TMEM98: variants seen among roughly 807,000 people sequenced by gnomAD.
The protein encoded by TMEM98 is transmembrane protein 98.
TMEM98 carries 18 observed loss-of-function variants against 25.0 expected under a neutral mutation model. The ratio of observed to expected loss-of-function variants is 0.72; its 90% CI spans 0.50 to 1.07. The LOEUF is 1.07. TMEM98 is among the 50% of genes least tolerant of loss of function. The pLI, the probability that TMEM98 is intolerant of heterozygous loss-of-function variation, is 0.00. For missense variants in TMEM98, 241 were observed against 289.0 expected, an observed-to-expected ratio of 0.83 and a Z score of 1.20; for synonymous variants, 103 against 112.4, an observed-to-expected ratio of 0.92 and a Z score of 0.53.
Position 32,941,131 on chromosome 17 carries a change from G to C in TMEM98, c.*138G>C. On this transcript the variant is annotated 3_prime_UTR_variant, in exon 8 of 8. Transcript: ENST00000579849. The stretch of plus-strand genomic sequence containing the variant: ...CAGCTGTGTGTGCATAGTAAAGCAG[G>C]AGATCCCCGTCAGTTTATGCCTCTT... 1.3e-6 allele frequency: 1 copy of C among 751,580 alleles called. No individual in the cohort carries two copies. Among genetic ancestry groups the C allele is most frequent in the South Asian group, 1.9e-5 (1 of 52,282 alleles). 46.6% of individuals were successfully genotyped at this position (751,580 alleles called of 1,614,324 possible).
At chr17:32,939,688 T>A in intron 7 of TMEM98, 152 bp downstream of exon 7, 1 of 853,154 alleles carries the variant, frequency 1.2e-6, no homozygotes, top group African/African-American at 1.7e-5. Flanking sequence ...TTTACTTCAG[T>A]GAGCGGCGCC....
chr17:32,936,618 C>T (rs1034498124), intron 6 of TMEM98, 171 bp downstream of exon 6: 19 of 627,296 alleles, frequency 3.0e-5, no homozygotes, highest in African/African-American at 2.9e-4. Context: ...ACCGAGACTT[C>T]TCAGCTAAGG....
intron 1 of TMEM98, among the ~76,000 whole-genome samples, chr17:32,929,265 CACTA>C (rs779050273): frequency 1.3e-5 from 2 of 151,534 alleles, no homozygotes; most frequent in Non-Finnish European, 1.5e-5. Flanking sequence ...AGCTCACGCA[CACTA>C]ACACAAACAC....
rs145575180 is a variant in TMEM98 at position 32,929,267 on chromosome 17, C to G, written c.-131+1030C>G. On this transcript the variant is annotated intron_variant, in intron 1 of 7. Transcript: ENST00000579849. Reference sequence around the variant, plus strand: ...GAAACAGAAAAACAGCTCACGCACACTAACACAAACACACACGGAGAAACA... The same window carrying G: ...GAAACAGAAAAACAGCTCACGCACAGTAACACAAACACACACGGAGAAACA... 3.3e-3 allele frequency among the ~76,000 whole-genome samples: 503 copies of G among 151,612 alleles called. 7 individuals carry two copies. Among genetic ancestry groups the G allele is most frequent in the Non-Finnish European group, 5.3e-4 (36 of 67,862 alleles).
chr17:32,942,586 C>T lies in TMEM98; in HGVS notation c.*1593C>T, dbSNP rs1439228583. The T allele has an allele frequency of 6.6e-6, 1 of 152,256 alleles. No individual in the cohort carries two copies. Among genetic ancestry groups the T allele is most frequent in the Non-Finnish European group, 1.5e-5 (1 of 68,064 alleles). 9.4% of individuals were successfully genotyped at this position (152,256 alleles called of 1,614,324 possible). ...GGCCACTTCCAACCTGCACAATGTA[C>T]ACCAAACCACAGAACCACAGCTGGG... On this transcript the variant is annotated 3_prime_UTR_variant, in exon 8 of 8. Coordinates refer to ENST00000579849, the MANE Select transcript of TMEM98 (RefSeq NM_015544.3).
rs1000300782 is a variant in TMEM98, at chr17:32,942,065, A to G, written c.*1072A>G. 6.6e-6 allele frequency: 1 copy of G among 152,172 alleles called. No homozygotes were observed. Among genetic ancestry groups the G allele is most frequent in the Non-Finnish European group, 1.5e-5 (1 of 68,038 alleles). 9.4% of individuals were successfully genotyped at this position (152,172 alleles called of 1,614,324 possible). ...TCCAAAACATACATATATATAAAAT[A>G]TATTTAAAGACCTCTTGGAGTTCAG... On this transcript the variant is annotated 3_prime_UTR_variant, in exon 8 of 8. Transcript: ENST00000579849.
intron 5 of TMEM98, among the ~76,000 whole-genome samples, chr17:32,935,191 A>T (rs2091489739): frequency 6.6e-6 from 1 of 152,228 alleles, no homozygotes; most frequent in Non-Finnish European, 1.5e-5. Context: ...GGGGATGGAT[A>T]AATGCCTAGT....
In TMEM98 at chr17:32,940,694, G is replaced by A. The variant is rs574288537; in HGVS notation, c.474-92G>A. ...TCCTAGGGAAGGGTGTGCAGTTTGGGGAATACTAGTCAAAAAGTCTATCTA... is the reference window on the plus strand; with the variant it reads ...TCCTAGGGAAGGGTGTGCAGTTTGGAGAATACTAGTCAAAAAGTCTATCTA... On this transcript the variant is annotated intron_variant, in intron 7 of 7. Transcript: ENST00000579849. The A allele has an allele frequency of 2.9e-5, 36 of 1,230,464 alleles. No individual in the cohort carries two copies. In the South Asian group the frequency reaches 4.7e-4, roughly 16 times the overall value. The allele number at this position is 1,230,464 out of a possible 1,614,324, so 76.2% of individuals were successfully genotyped here. A position where few individuals can be genotyped will look rare whatever the true frequency, so the allele number is the denominator to read the frequency against.
intron 6 of TMEM98, among the ~76,000 whole-genome samples, chr17:32,936,720 C>T (rs1038174521): frequency 6.6e-6 from 1 of 152,216 alleles, no homozygotes; most frequent in African/African-American, 2.4e-5. Flanking sequence ...CTGTCCTAGA[C>T]CCTGCCCTGC....
intron 3 of TMEM98, among the ~76,000 whole-genome samples, chr17:32,931,987 C>T (rs909202275): frequency 5.3e-5 from 8 of 152,280 alleles, no homozygotes; most frequent in Middle Eastern, 3.4e-3. Context: ...CCAGCCAGAC[C>T]CACAGGAACA....
At chr17:32,937,183 C>T (rs1347792624) in intron 6 of TMEM98, among the ~76,000 whole-genome samples, 1 of 152,240 alleles carries the variant, frequency 6.6e-6, no homozygotes, top group African/African-American at 2.4e-5. Flanking sequence ...CACCTGGCCC[C>T]TCCGCCCACC....
rs9908407 is a variant in TMEM98, at chr17:32,933,632, T to A, written c.263+327T>A. On this transcript the variant is annotated intron_variant, in intron 4 of 7. Coordinates refer to ENST00000579849, the MANE Select transcript of TMEM98 (RefSeq NM_015544.3). ...AGAGATGCAGCCCTTTTCTTTAGGA[T>A]CTCAGGGGTCTCTCCATCCAACAGG... 7.0e-3 allele frequency among the ~76,000 whole-genome samples: 1,062 copies of A among 152,292 alleles called. 14 individuals carry two copies. The highest frequency in any genetic ancestry group is 0.024 in the African/African-American group (986 of 41,552).
In TMEM98 at chr17:32,941,537, G is replaced by C. The variant is rs112306721; in HGVS notation, c.*544G>C. 6.6e-6 allele frequency: 1 copy of C among 152,298 alleles called. No individual in the cohort carries two copies. The highest frequency in any genetic ancestry group is 2.4e-5 in the African/African-American group (1 of 41,528). The allele number at this position is 152,298 out of a possible 1,614,324, so 9.4% of individuals were successfully genotyped here. Reference sequence around the variant, plus strand: ...GGTCTCTCCTCTCCCTTGCAGGTTTGGGTTTGAAGCTGAGGAACTACAAAG... The same window carrying C: ...GGTCTCTCCTCTCCCTTGCAGGTTTCGGTTTGAAGCTGAGGAACTACAAAG... On this transcript the variant is annotated 3_prime_UTR_variant, in exon 8 of 8. Coordinates refer to ENST00000579849, the MANE Select transcript of TMEM98 (RefSeq NM_015544.3).
chr17:32,929,564 A>T (rs1385492342), intron 1 of TMEM98, among the ~76,000 whole-genome samples: 1 of 152,150 alleles, frequency 6.6e-6, no homozygotes, highest in Non-Finnish European at 1.5e-5. Flanking sequence ...AGAAACACAC[A>T]CGTAGAGAAA....
intron 4 of TMEM98, 99 bp downstream of exon 4, chr17:32,933,404 A>G (rs541400793): frequency 6.7e-7 from 1 of 1,498,604 alleles, no homozygotes; most frequent in East Asian, 2.3e-5. Context: ...AAGAACAGTC[A>G]CTCTGTTACT....
chr17:32,935,994 T>C (rs2091493931), intron 5 of TMEM98, among the ~76,000 whole-genome samples: 2 of 152,058 alleles, frequency 1.3e-5, no homozygotes, highest in Non-Finnish European at 2.9e-5. Context: ...AACCATGAGA[T>C]GAAGGAATAG....
chr17:32,929,493 A>G (rs2091454572), intron 1 of TMEM98, among the ~76,000 whole-genome samples: 2 of 152,208 alleles, frequency 1.3e-5, no homozygotes, highest in Admixed American at 1.3e-4. Flanking sequence ...AGATAAAGGC[A>G]GACATAAGAG....
In TMEM98 at chr17:32,943,742, A is replaced by G. The variant is rs942400985; in HGVS notation, c.*2749A>G. 1 of 152,182 alleles carries G rather than the reference A, an allele frequency of 6.6e-6. No homozygotes were observed. Among genetic ancestry groups the G allele is most frequent in the Non-Finnish European group, 1.5e-5 (1 of 68,056 alleles). The allele number at this position is 152,182 out of a possible 1,614,324, so 9.4% of individuals were successfully genotyped here. A position where few individuals can be genotyped will look rare whatever the true frequency, so the allele number is the denominator to read the frequency against. Reference sequence around the variant, plus strand: ...TTGGGTTGGTATGTCAACAAGCAAAACGGTATGTGTGAGCTGCCCAATTGT... The same window carrying G: ...TTGGGTTGGTATGTCAACAAGCAAAGCGGTATGTGTGAGCTGCCCAATTGT... On this transcript the variant is annotated 3_prime_UTR_variant, in exon 8 of 8. Coordinates refer to ENST00000579849, the MANE Select transcript of TMEM98 (RefSeq NM_015544.3).
rs1209494393 is a variant in TMEM98, at chr17:32,941,877, C to G, written c.*884C>G. Reference sequence around the variant, plus strand: ...GACCAGCCTGGGCAACATGGTGAAACCTCATCTCTACACAAACTACAAAAA... The same window carrying G: ...GACCAGCCTGGGCAACATGGTGAAAGCTCATCTCTACACAAACTACAAAAA... On this transcript the variant is annotated 3_prime_UTR_variant, in exon 8 of 8. Transcript: ENST00000579849. 2.0e-5 allele frequency: 3 copies of G among 152,064 alleles called. No individual in the cohort carries two copies. In the East Asian group the frequency reaches 5.8e-4, roughly 29 times the overall value. The allele number at this position is 152,064 out of a possible 1,614,324, so 9.4% of individuals were successfully genotyped here. A position where few individuals can be genotyped will look rare whatever the true frequency, so the allele number is the denominator to read the frequency against.
Sources: allele counts gnomAD v4.1 joint callset (sites outside exome capture counted in the v4.1 genomes callset), GRCh38; gene constraint gnomAD v4.1.1; transcripts MANE v1.5; gene names NCBI Gene and HGNC (gene_info 2026-07-23, HGNC 2026-07-21).